Variants in ST8SIA5 observed in about 807,000 individuals in gnomAD.
ST8SIA5 encodes ST8 alpha-N-acetyl-neuraminide alpha-2,8-sialyltransferase 5, also known as alpha-2,8-sialyltransferase 8E.
A neutral mutation model predicts 40.2 loss-of-function variants in ST8SIA5; 24 were observed. The observed-to-expected ratio is 0.60, with a 90% CI of 0.43 to 0.84. The LOEUF (loss-of-function observed/expected upper bound fraction) is 0.84. Ranked by LOEUF, ST8SIA5 falls within the 40% of genes least tolerant of loss-of-function variation. The pLI is 0.00. For missense variants in ST8SIA5, 465 were observed against 498.5 expected (o/e 0.93, Z 0.64); for synonymous variants, 198 against 201.8 (o/e 0.98, Z 0.16).
At chr18:46,708,440 C>A (rs1278640274) in intron 1 of ST8SIA5, among the ~76,000 whole-genome samples, 1 of 152,162 alleles carries the variant, frequency 6.6e-6, no homozygotes, top group African/African-American at 2.4e-5. Context: ...ACACCTGGGG[C>A]CTTGCTGACC....
intron 5 of ST8SIA5, among the ~76,000 whole-genome samples, chr18:46,685,072 G>A (rs945251956): frequency 8.5e-5 from 13 of 152,166 alleles, no homozygotes; most frequent in African/African-American, 2.9e-4. Flanking sequence ...ATCATTATGT[G>A]ATTTAATCCT....
intron 1 of ST8SIA5, among the ~76,000 whole-genome samples, chr18:46,734,968 T>C (rs1164231335): frequency 1.3e-5 from 2 of 152,196 alleles, no homozygotes; most frequent in African/African-American, 4.8e-5. Flanking sequence ...AACATTTCAG[T>C]CAGTGGACTG....
At chr18:46,721,493 G>A (rs530674414) in intron 1 of ST8SIA5, 39 of 1,527,026 alleles carry the variant, frequency 2.6e-5, no homozygotes, top group Admixed American at 9.8e-5. Context: ...GAGGCAGTCG[G>A]TACTCATGCT....
intron 1 of ST8SIA5, among the ~76,000 whole-genome samples, chr18:46,722,184 G>A (rs2039870778): frequency 6.6e-6 from 1 of 152,102 alleles, no homozygotes; most frequent in African/African-American, 2.4e-5. Context: ...GAAGGTGGGA[G>A]TGCACAATGG....
rs2040115958 is a variant in ST8SIA5 at position 46,744,213 on chromosome 18, A to C, written c.131+12165T>G. ...TGACGGGATCAAATTCACACATAAC[A>C]ATATTAACCTTAAGTGTAAATGGAC... On this transcript the variant is annotated intron_variant, in intron 1 of 6. Coordinates refer to ENST00000315087, the MANE Select transcript of ST8SIA5 (RefSeq NM_013305.6). 2.0e-5 allele frequency among the ~76,000 whole-genome samples: 3 copies of C among 152,346 alleles called. No individual in the cohort carries two copies. In the South Asian group the frequency reaches 6.2e-4, roughly 32 times the overall value.
Position 46,723,181 on chromosome 18 carries a change from G to C in ST8SIA5, c.132-18517C>G, listed in dbSNP as rs143507836. ...GGTGAGTCAGATTATTCCATTCTCC[G>C]ATTGGCCAAAGCCAACAGCATCGCC... On this transcript the variant is annotated intron_variant, in intron 1 of 6. Transcript: ENST00000315087. The C allele has an allele frequency of 8.6e-3, 1,405 of 163,934 alleles. 10 individuals are homozygous for C. The highest frequency in any genetic ancestry group is 0.012 in the Non-Finnish European group (864 of 73,546). 10.2% of individuals were successfully genotyped at this position (163,934 alleles called of 1,614,324 possible).
intron 1 of ST8SIA5, among the ~76,000 whole-genome samples, chr18:46,732,362 C>T (rs533874054): frequency 1.3e-5 from 2 of 152,342 alleles, no homozygotes; most frequent in African/African-American, 4.8e-5. Flanking sequence ...GTTCAGGCCT[C>T]TCAGCACCCA....
At chr18:46,742,590 A>T (rs1483540830) in intron 1 of ST8SIA5, among the ~76,000 whole-genome samples, 1 of 152,256 alleles carries the variant, frequency 6.6e-6, no homozygotes, top group Non-Finnish European at 1.5e-5. Flanking sequence ...AGAAAAAGTA[A>T]AATAATCCAC....
At position 46,680,417 on chromosome 18, in the gene ST8SIA5, C is replaced by T. The variant is rs758983022; in HGVS notation, c.756G>A (p.Thr252=). ...CGCGGATGGACACGTCGGTGTTGCG[C>T]GTGTTGTAGAAGGCAGGCAGCAGCA... ...ASVLLPAFYN[T]RNTDVSIRVK... Residue 252 remains threonine, a synonymous_variant, in exon 7 of 7, where the codon ACG becomes ACA. Transcript: ENST00000315087. 8 of 1,613,340 alleles carry T rather than the reference C, an allele frequency of 5.0e-6. No homozygotes were observed. The highest frequency in any genetic ancestry group is 3.3e-5 in the Admixed American group (2 of 59,936).
intron 1 of ST8SIA5, among the ~76,000 whole-genome samples, chr18:46,716,757 A>G (rs1271061514): frequency 6.6e-6 from 1 of 152,240 alleles, no homozygotes; most frequent in Non-Finnish European, 1.5e-5. Flanking sequence ...CAGAAGGATT[A>G]TGTGCACTCG....
chr18:46,737,931 C>T (rs372711716), intron 1 of ST8SIA5, among the ~76,000 whole-genome samples: 11 of 151,980 alleles, frequency 7.2e-5, no homozygotes, highest in African/African-American at 2.4e-4. Context: ...CCACCACGCC[C>T]GAATAATTTT....
intron 1 of ST8SIA5, among the ~76,000 whole-genome samples, chr18:46,745,572 T>G (rs2040131588): frequency 1.3e-5 from 2 of 152,160 alleles, no homozygotes; most frequent in Admixed American, 6.5e-5. Context: ...GAGGCAATAA[T>G]TAATAGCCTA....
chr18:46,713,714 T>C (rs1202246259), intron 1 of ST8SIA5, among the ~76,000 whole-genome samples: 2 of 151,976 alleles, frequency 1.3e-5, no homozygotes, highest in Admixed American at 6.6e-5. Flanking sequence ...TGCTGACCCA[T>C]ATGTCTTGGA....
chr18:46,715,216 C>T (rs1344491708), intron 1 of ST8SIA5, among the ~76,000 whole-genome samples: 10 of 152,210 alleles, frequency 6.6e-5, no homozygotes, highest in South Asian at 4.1e-4. Flanking sequence ...AACATTGACC[C>T]GGAAGGCTGA....
chr18:46,713,253 G>T (rs181968230), intron 1 of ST8SIA5, among the ~76,000 whole-genome samples: 4 of 152,340 alleles, frequency 2.6e-5, no homozygotes, highest in African/African-American at 9.6e-5. Context: ...AATGGAACCA[G>T]CAGGATGCAT....
chr18:46,700,425 C>T (rs2039600940), intron 2 of ST8SIA5, among the ~76,000 whole-genome samples: 1 of 152,180 alleles, frequency 6.6e-6, no homozygotes, highest in African/African-American at 2.4e-5. Flanking sequence ...CTCTATGAGT[C>T]CTCCTCATGG....
At position 46,680,381 on chromosome 18, in the gene ST8SIA5, CA is replaced by C; in HGVS notation, c.791del (p.Val264GlyfsTer63). 1.2e-6 allele frequency: 2 copies of C among 1,614,058 alleles called. No individual in the cohort carries two copies. Among genetic ancestry groups the C allele is most frequent in the South Asian group, 2.2e-5 (2 of 91,072 alleles). On this transcript the variant is annotated frameshift_variant, in exon 7 of 7. Transcript: ENST00000315087. LOFTEE classifies it high-confidence loss of function. ...CTTGCGGCGATTCGAAGTCGTCCAGCACGTACTTGACGCGGATGGACACGTC... is the reference window on the plus strand; with the variant it reads ...CTTGCGGCGATTCGAAGTCGTCCAGCCGTACTTGACGCGGATGGACACGTC... ...NTDVSIRVKY[V>X]LDDFESPQAV...
At chr18:46,745,394 A>T (rs1232871659) in intron 1 of ST8SIA5, among the ~76,000 whole-genome samples, 1 of 152,126 alleles carries the variant, frequency 6.6e-6, no homozygotes, top group Non-Finnish European at 1.5e-5. Flanking sequence ...TATCACCACC[A>T]ATCCCACAGA....
At chr18:46,733,556 A>G (rs2040004894) in intron 1 of ST8SIA5, among the ~76,000 whole-genome samples, 1 of 152,166 alleles carries the variant, frequency 6.6e-6, no homozygotes, top group Admixed American at 6.5e-5. Context: ...AACAGGCGAC[A>G]AAATGCGTCA....
Sources: allele counts gnomAD v4.1 joint callset (sites outside exome capture counted in the v4.1 genomes callset), GRCh38; gene constraint gnomAD v4.1.1; transcripts MANE v1.5; gene names NCBI Gene and HGNC (gene_info 2026-07-23, HGNC 2026-07-21).